The following NXPE4 variants were observed in gnomAD, a reference collection of about 807,000 sequenced individuals.
The protein encoded by NXPE4 is neurexophilin and PC-esterase domain family member 4.
A neutral mutation model predicts 33.3 loss-of-function variants in NXPE4; 42 were observed. The ratio of observed to expected loss-of-function variants is 1.26; its 90% CI spans 0.98 to 1.63. The LOEUF is 1.63. Among genes scored for constraint, NXPE4 ranks in the 40% most tolerant of loss-of-function variants. The pLI is 0.00. For synonymous variants in NXPE4, 253 were observed against 234.9 expected (o/e 1.08, Z -0.71); for missense variants, 709 against 647.6 (o/e 1.09, Z -1.03).
the NXPE4 span, among the ~76,000 whole-genome samples, chr11:114,632,147 A>G: frequency 2.8e-5 from 4 of 142,948 alleles, no homozygotes; most frequent in African/African-American, 1.0e-4. Context: ...ATAATTTATT[A>G]TGTTATAAAT....
the NXPE4 span, among the ~76,000 whole-genome samples, chr11:114,632,721 A>G: frequency 1.7e-5 from 1 of 59,040 alleles, no homozygotes; most frequent in African/African-American, 6.3e-5. Context: ...TATAATATAT[A>G]TAATATATAA....
chr11:114,580,923 G>C (rs531623612), intron 4 of NXPE4, among the ~76,000 whole-genome samples: 1 of 152,250 alleles, frequency 6.6e-6, no homozygotes, highest in African/African-American at 2.4e-5. Context: ...CACAGGTTGA[G>C]GTAGCCACAA....
chr11:114,610,053 A>G, the NXPE4 span, among the ~76,000 whole-genome samples: 2 of 151,800 alleles, frequency 1.3e-5, no homozygotes, highest in African/African-American at 2.4e-5. Context: ...CCCGGTGGAT[A>G]ATAAGTCTTG....
rs1276468046 is a variant in NXPE4 at position 114,581,767 on chromosome 11, T to C, written c.850A>G (p.Ile284Val). ...LFERSNVGVE[I>V]MEKFNTISVS... ...CTAATTGTATTGAATTTTTCCATAA[T>C]CTCTACACCCACATTTGACCTTAAA... Residue 284 changes from isoleucine (I) to valine (V), a missense_variant, in exon 4 of 6, where the codon ATT becomes GTT. Transcript: ENST00000375478. 6.2e-7 allele frequency: 1 copy of C among 1,610,714 alleles called. No homozygotes were observed. The highest frequency in any genetic ancestry group is 8.5e-7 in the Non-Finnish European group (1 of 1,178,444).
At chr11:114,646,174 TAAAC>T in the NXPE4 span, among the ~76,000 whole-genome samples, 3 of 152,200 alleles carry the variant, frequency 2.0e-5, no homozygotes, top group South Asian at 4.1e-4. Context: ...TTCTATATCT[TAAAC>T]TAACTATGTC....
At chr11:114,636,275 T>C in the NXPE4 span, among the ~76,000 whole-genome samples, 1 of 152,100 alleles carries the variant, frequency 6.6e-6, no homozygotes, top group Non-Finnish European at 1.5e-5. Context: ...TATTCTCTGA[T>C]GGTAGTTTGT....
At chr11:114,615,116 T>C in the NXPE4 span, among the ~76,000 whole-genome samples, 2 of 151,978 alleles carry the variant, frequency 1.3e-5, no homozygotes, top group Non-Finnish European at 2.9e-5. Context: ...GTAACCACTG[T>C]TAACAGGTGC....
chr11:114,571,971 A>C (rs1948899376), intron 5 of NXPE4, among the ~76,000 whole-genome samples: 1 of 152,186 alleles, frequency 6.6e-6, no homozygotes, highest in Non-Finnish European at 1.5e-5. Context: ...AAACAAAAAC[A>C]CAACCAAAGA....
the NXPE4 span, among the ~76,000 whole-genome samples, chr11:114,621,956 GATA>G: frequency 2.0e-5 from 3 of 152,074 alleles, no homozygotes; most frequent in Non-Finnish European, 2.9e-5. Flanking sequence ...TTACCCTGTG[GATA>G]ATAAGTATGG....
At chr11:114,619,293 C>T in the NXPE4 span, among the ~76,000 whole-genome samples, 1 of 152,126 alleles carries the variant, frequency 6.6e-6, no homozygotes, top group South Asian at 2.1e-4. Context: ...AGTATTGCCT[C>T]GTGGGTAACC....
At chr11:114,636,098 A>ATT in the NXPE4 span, among the ~76,000 whole-genome samples, 37 of 4,820 alleles carry the variant, frequency 7.7e-3, no homozygotes, top group African/African-American at 0.059. Flanking sequence ...CTGGTCCTGG[A>ATT]CTCTTTCGTT....
At chr11:114,601,717 A>ATATTAT in the NXPE4 span, among the ~76,000 whole-genome samples, 1 of 69,238 alleles carries the variant, frequency 1.4e-5, no homozygotes, top group African/African-American at 5.8e-5. Flanking sequence ...TATATTATAT[A>ATATTAT]TTATAATTAT....
At chr11:114,672,785 A>T in the NXPE4 span, among the ~76,000 whole-genome samples, 5 of 151,918 alleles carry the variant, frequency 3.3e-5, no homozygotes, top group African/African-American at 1.2e-4. Flanking sequence ...ATAAGCATTT[A>T]ACAATATAGA....
chr11:114,617,155 G>A, the NXPE4 span, among the ~76,000 whole-genome samples: 1 of 151,846 alleles, frequency 6.6e-6, no homozygotes, highest in Non-Finnish European at 1.5e-5. Flanking sequence ...ACGTTTTGTG[G>A]GTAACCATTG....
chr11:114,585,537 G>A (rs1591344443), intron 2 of NXPE4, among the ~76,000 whole-genome samples: 1 of 151,864 alleles, frequency 6.6e-6, no homozygotes, highest in Non-Finnish European at 1.5e-5. Flanking sequence ...GAAAAAGAAG[G>A]TCATTATGTA....
the NXPE4 span, among the ~76,000 whole-genome samples, chr11:114,647,573 G>A: frequency 6.6e-6 from 1 of 151,860 alleles, no homozygotes; most frequent in African/African-American, 2.4e-5. Flanking sequence ...TCACTACTAG[G>A]TTTTACATTT....
Position 114,580,191 on chromosome 11 carries a change from T to C in NXPE4, c.1040A>G (p.Tyr347Cys), listed in dbSNP as rs1319163663. ...GCGGATCGTGGAATCTCCCATTAGG[T>C]ATATGAGTTTTCCTCTCAGGCATTC... ...MKECLRGKLI[Y>C]LMGDSTIRQW... Residue 347 changes from tyrosine to cysteine, a missense_variant, in exon 5 of 6, where the codon TAC becomes TGC. Coordinates refer to ENST00000375478, the MANE Select transcript of NXPE4 (RefSeq NM_001077639.2). The C allele has an allele frequency of 1.2e-6, 2 of 1,613,924 alleles. No individual in the cohort carries two copies. Among genetic ancestry groups the C allele is most frequent in the Non-Finnish European group, 1.7e-6 (2 of 1,179,944 alleles).
the NXPE4 span, among the ~76,000 whole-genome samples, chr11:114,602,540 A>T: frequency 2.9e-5 from 4 of 138,932 alleles, no homozygotes; most frequent in African/African-American, 1.0e-4. Context: ...TAATTATCTC[A>T]TATACAAATT....
the NXPE4 span, among the ~76,000 whole-genome samples, chr11:114,609,134 G>C: frequency 6.6e-6 from 1 of 151,996 alleles, no homozygotes; most frequent in South Asian, 2.1e-4. Flanking sequence ...TGGATAATAA[G>C]TATTGCCTCG....
Sources: allele counts gnomAD v4.1 joint callset (sites outside exome capture counted in the v4.1 genomes callset), GRCh38; gene constraint gnomAD v4.1.1; transcripts MANE v1.5; gene names NCBI Gene and HGNC (gene_info 2026-07-23, HGNC 2026-07-21).